Variants in MAP7D2 observed in about 807,000 individuals in gnomAD.
MAP7D2 encodes MAP7 domain-containing protein 2.
A neutral mutation model predicts 63.5 loss-of-function variants in MAP7D2; 33 were observed. The ratio of observed to expected loss-of-function variants is 0.52; its 90% CI spans 0.39 to 0.70. The LOEUF (loss-of-function observed/expected upper bound fraction) is 0.70, where lower values mean the gene tolerates loss of function less well. Ranked by LOEUF, MAP7D2 falls within the 30% of genes least tolerant of loss-of-function variation. The pLI, the probability that MAP7D2 is intolerant of heterozygous loss-of-function variation, is 0.00. For synonymous variants in MAP7D2, 224 were observed against 223.7 expected, an observed-to-expected ratio of 1.00 and a Z score of -0.01; for missense variants, 626 against 604.0, an observed-to-expected ratio of 1.04 and a Z score of -0.38.
intron 8 of MAP7D2, among the ~76,000 whole-genome samples, chrX:20,030,772 C>G (rs1049163154): frequency 4.5e-5 from 5 of 111,449 alleles, no homozygotes; most frequent in African/African-American, 1.6e-4. Flanking sequence ...AGTTTTATAC[C>G]GGAGAAACCT....
chrX:20,093,145 G>A (rs952099162), intron 1 of MAP7D2, among the ~76,000 whole-genome samples: 3 of 111,736 alleles, frequency 2.7e-5, no homozygotes, highest in African/African-American at 9.8e-5. Context: ...AAGGGTGTTC[G>A]AGGGCTCAAA....
At chrX:20,037,557 C>T (rs1349704637) in intron 8 of MAP7D2, among the ~76,000 whole-genome samples, 4 of 111,948 alleles carry the variant, frequency 3.6e-5, no homozygotes, top group African/African-American at 1.3e-4. Context: ...CTTTCTGGGA[C>T]ATTCCTGAAG....
chrX:20,079,318 G>T (rs1233012295), intron 1 of MAP7D2, among the ~76,000 whole-genome samples: 2 of 112,218 alleles, frequency 1.8e-5, no homozygotes, highest in African/African-American at 6.5e-5. Flanking sequence ...GCCTAACCTT[G>T]CTGGTTACCA....
intron 1 of MAP7D2, among the ~76,000 whole-genome samples, chrX:20,111,608 A>G (rs2066745410): frequency 9.0e-6 from 1 of 111,428 alleles, no homozygotes; most frequent in South Asian, 3.8e-4. Context: ...CGGGGGAATG[A>G]AGAATGTCAG....
At chrX:20,056,928 T>C in intron 3 of MAP7D2, 137 bp from the exon 4 acceptor site, 1 of 508,934 alleles carries the variant, frequency 2.0e-6, no homozygotes, top group African/African-American at 2.3e-5. Flanking sequence ...GCATACGTGC[T>C]CTCTCTGCCA....
chrX:20,064,679 A>G, intron 2 of MAP7D2, 49 bp downstream of exon 2: 1 of 1,037,027 alleles, frequency 9.6e-7, no homozygotes, highest in Admixed American at 2.2e-5. Flanking sequence ...AAAAGACACC[A>G]CCATATCTCC....
rs757566935 is a variant in MAP7D2, at chrX:20,011,062, A to G, written c.2073-10T>C. On this transcript the variant is annotated splice_polypyrimidine_tract_variant and intron_variant, in intron 15 of 16. Coordinates refer to ENST00000379643, the MANE Select transcript of MAP7D2 (RefSeq NM_001168465.2). ...TTCTTTTGAAACAGGACTAGAAGAG[A>G]TGAACGAGAGGGAGAGAGGCAGAAA... 27 of 1,201,154 alleles carry G rather than the reference A, an allele frequency of 2.2e-5. No homozygotes were observed. The East Asian group carries it at 4.7e-4, about 21-fold the overall frequency.
intron 8 of MAP7D2, among the ~76,000 whole-genome samples, chrX:20,042,295 A>C (rs1170683234): frequency 8.9e-6 from 1 of 111,785 alleles, no homozygotes; most frequent in Non-Finnish European, 1.9e-5. Context: ...CCTGTTACGC[A>C]CTGGGGTCCC....
chrX:20,033,951 G>A (rs767505489), intron 8 of MAP7D2, among the ~76,000 whole-genome samples: 13 of 111,414 alleles, frequency 1.2e-4, no homozygotes, highest in Admixed American at 2.9e-4. Context: ...ATGGCCGGGC[G>A]CGGTGGCTCA....
chrX:20,098,395 A>G (rs778816798), intron 1 of MAP7D2, among the ~76,000 whole-genome samples: 2 of 112,421 alleles, frequency 1.8e-5, no homozygotes, highest in South Asian at 7.4e-4. Context: ...GAGAAGAGAG[A>G]CACCAATGTC....
At chrX:20,015,575 G>C in intron 11 of MAP7D2, among the ~76,000 whole-genome samples, 1 of 112,687 alleles carries the variant, frequency 8.9e-6, no homozygotes, top group East Asian at 2.8e-4. Context: ...AGGCTTTTCT[G>C]TGTCTGTGGG....
At chrX:20,090,600 G>GTA (rs1194031894) in intron 1 of MAP7D2, among the ~76,000 whole-genome samples, 1 of 111,911 alleles carries the variant, frequency 8.9e-6, no homozygotes, top group Admixed American at 9.5e-5. Context: ...TCAGGTGAGG[G>GTA]TGTAAAAGAA....
At chrX:20,087,870 A>ATTTCT (rs1343596567) in intron 1 of MAP7D2, among the ~76,000 whole-genome samples, 1 of 84,933 alleles carries the variant, frequency 1.2e-5, no homozygotes, top group Non-Finnish European at 2.3e-5. Context: ...CCAGCAACTA[A>ATTTCT]TTTCTTTTCT....
chrX:20,069,774 ATTTT>A (rs747257549), intron 1 of MAP7D2, among the ~76,000 whole-genome samples: 2 of 87,331 alleles, frequency 2.3e-5, no homozygotes, highest in African/African-American at 4.7e-5. Flanking sequence ...TCTCTCTGTA[ATTTT>A]TTTTTTTTTT....
At chrX:20,096,794 C>T (rs998305557) in intron 1 of MAP7D2, among the ~76,000 whole-genome samples, 5 of 111,933 alleles carry the variant, frequency 4.5e-5, no homozygotes, top group Non-Finnish European at 9.4e-5. Context: ...TATTCTACCA[C>T]AATAAAAAAC....
At chrX:20,035,926 ATGTGTG>A (rs59706024) in intron 8 of MAP7D2, among the ~76,000 whole-genome samples, 23,547 of 98,227 alleles carry the variant, frequency 0.24, 2,358 homozygotes, top group African/African-American at 0.36. Context: ...AAAAATATAT[ATGTGTG>A]TGTGTGTGTG....
At chrX:20,020,341 G>T (rs906270868) in intron 10 of MAP7D2, among the ~76,000 whole-genome samples, 42 of 111,155 alleles carry the variant, frequency 3.8e-4, no homozygotes, top group Non-Finnish European at 7.4e-4. Flanking sequence ...ACCCTCCTCA[G>T]TCCTCTCTCA....
intron 8 of MAP7D2, among the ~76,000 whole-genome samples, chrX:20,029,876 G>C (rs1465766465): frequency 9.1e-6 from 1 of 109,981 alleles, no homozygotes; most frequent in Non-Finnish European, 1.9e-5. Flanking sequence ...CAAGTTTCCT[G>C]CTCATCCTGC....
At chrX:20,050,570 CTCCAGAG>C (rs1221565964) in intron 6 of MAP7D2, among the ~76,000 whole-genome samples, 1 of 111,856 alleles carries the variant, frequency 8.9e-6, no homozygotes, top group African/African-American at 3.3e-5. Flanking sequence ...GTCTACTAAC[CTCCAGAG>C]TTCATCAAGT....
Sources: gnomAD v4.1 joint callset for allele counts (sites outside exome capture counted in the v4.1 genomes callset) on GRCh38, gnomAD v4.1.1 for gene constraint, MANE v1.5 for transcripts, NCBI Gene and HGNC (gene_info 2026-07-23, HGNC 2026-07-21) for gene names.